Variants in CCDC85C observed in about 807,000 individuals in gnomAD.
CCDC85C encodes coiled-coil domain-containing protein 85C.
In CCDC85C, 18 loss-of-function variants were observed where a neutral mutation model predicts 38.3. The observed-to-expected ratio is 0.47, with a 90% CI of 0.33 to 0.70. The LOEUF is 0.70. Among genes scored for constraint, CCDC85C ranks in the 30% least tolerant of loss-of-function variants. The pLI is 0.03. For missense variants in CCDC85C, 566 were observed against 621.2 expected, an observed-to-expected ratio of 0.91 and a Z score of 0.94; for synonymous variants, 264 against 293.8, an observed-to-expected ratio of 0.90 and a Z score of 1.04.
In CCDC85C at chr14:99,536,001, C is replaced by G; in HGVS notation, c.867+14G>C. On this transcript the variant is annotated intron_variant, in intron 2 of 5. Coordinates refer to ENST00000380243, the MANE Select transcript of CCDC85C (RefSeq NM_001144995.2). ...TCGCGGTCCTCAAGGCAGCGCCACC[C>G]GAAGCCGGCCTACCTGTGCGAGGAG... 6.5e-7 allele frequency: 1 copy of G among 1,550,182 alleles called. No homozygotes were observed. Among genetic ancestry groups the G allele is most frequent in the Non-Finnish European group, 8.7e-7 (1 of 1,146,168 alleles).
rs181176812 is a variant in CCDC85C at position 99,522,067 on chromosome 14, C to G, written c.975+66G>C. ...GATCCTTGTGCCCCTCCGGGCAGGT[C>G]ACTGGCCCGCCTGAGCCTCAGCCCC... On this transcript the variant is annotated intron_variant, in intron 3 of 5. Transcript: ENST00000380243. 7,237 of 1,290,890 alleles carry G rather than the reference C, an allele frequency of 5.6e-3. 34 individuals carry two copies. The highest frequency in any genetic ancestry group is 0.012 in the South Asian group (897 of 77,256). The allele number at this position is 1,290,890 out of a possible 1,614,324, so 80.0% of individuals were successfully genotyped here.
chr14:99,534,016 C>T (rs1897543208), intron 2 of CCDC85C, among the ~76,000 whole-genome samples: 1 of 152,188 alleles, frequency 6.6e-6, no homozygotes. Context: ...GAAACAGGAC[C>T]ATGAGCTGCT....
rs1228915989 is a variant in CCDC85C at position 99,505,289 on chromosome 14, A to G, written c.*9957T>C. ...TGCGGGGCAGGAAGGGCAGATCCGG[A>G]GGAAGCTTTATAGAGGAACTCAGCT... On this transcript the variant is annotated 3_prime_UTR_variant, in exon 6 of 6. Transcript: ENST00000380243. The G allele has an allele frequency of 6.6e-6, 1 of 152,280 alleles. No homozygotes were observed. Among genetic ancestry groups the G allele is most frequent in the Admixed American group, 6.5e-5 (1 of 15,280 alleles). The allele number at this position is 152,280 out of a possible 1,614,324, so 9.4% of individuals were successfully genotyped here. A position where few individuals can be genotyped will look rare whatever the true frequency, so the allele number is the denominator to read the frequency against.
At position 99,578,246 on chromosome 14, in the gene CCDC85C, T is replaced by TTG. The variant is rs373278208; in HGVS notation, c.793+24919_793+24920dup. 3.1e-5 allele frequency among the ~76,000 whole-genome samples: 3 copies of TTG among 96,846 alleles called. No individual in the cohort carries two copies. In the Admixed American group the frequency reaches 3.4e-4, roughly 11 times the overall value. The allele number at this position is 96,846 out of a possible 152,430, so 63.5% of individuals were successfully genotyped here. Reference sequence around the variant, plus strand: ...CATCCTGTATCCCCCATCGGTGTGTTTGTGTGTGTGTGTGAGTGTACACCT... The same window carrying TTG: ...CATCCTGTATCCCCCATCGGTGTGTTTGTGTGTGTGTGTGTGAGTGTACACCT... On this transcript the variant is annotated intron_variant, in intron 1 of 5. Coordinates refer to ENST00000380243, the MANE Select transcript of CCDC85C (RefSeq NM_001144995.2).
chr14:99,509,511 C>T lies in CCDC85C; in HGVS notation c.*5735G>A, dbSNP rs1414978015. Reference sequence around the variant, plus strand: ...CTGCTGCACACGCAGCACGCACACACACGCAGCACGCACAGACATGCAGCA... The same window carrying T: ...CTGCTGCACACGCAGCACGCACACATACGCAGCACGCACAGACATGCAGCA... On this transcript the variant is annotated 3_prime_UTR_variant, in exon 6 of 6. Transcript: ENST00000380243. 1 of 150,234 alleles carries T rather than the reference C, an allele frequency of 6.7e-6. No individual in the cohort carries two copies. The highest frequency in any genetic ancestry group is 2.6e-5 in the African/African-American group (1 of 38,810). 9.3% of individuals were successfully genotyped at this position (150,234 alleles called of 1,614,324 possible).
chr14:99,534,604 C>T (rs148568089), intron 2 of CCDC85C: 1 of 702,068 alleles, frequency 1.4e-6, no homozygotes, highest in African/African-American at 1.7e-5. Flanking sequence ...GCATGGGGAC[C>T]TTCTCCAAAG....
At position 99,517,196 on chromosome 14, in the gene CCDC85C, A is replaced by G. The variant is rs1044565346; in HGVS notation, c.976-13T>C. The G allele has an allele frequency of 1.3e-6, 2 of 1,530,438 alleles. No individual in the cohort carries two copies. The highest frequency in any genetic ancestry group is 8.8e-7 in the Non-Finnish European group (1 of 1,134,980). The allele number at this position is 1,530,438 out of a possible 1,614,324, so 94.8% of individuals were successfully genotyped here. A position where few individuals can be genotyped will look rare whatever the true frequency, so the allele number is the denominator to read the frequency against. On this transcript the variant is annotated splice_polypyrimidine_tract_variant and intron_variant, in intron 3 of 5. Transcript: ENST00000380243. ...GGCAGGCCGGGCCCTGGGGAAGGCA[A>G]TCACACATCTCAGCTCACCCTGGCT...
At position 99,516,108 on chromosome 14, in the gene CCDC85C, G is replaced by T; in HGVS notation, c.1170+80C>A. 1 of 1,094,992 alleles carries T rather than the reference G, an allele frequency of 9.1e-7. No individual in the cohort carries two copies. The highest frequency in any genetic ancestry group is 1.4e-6 in the Non-Finnish European group (1 of 736,036). 67.8% of individuals were successfully genotyped at this position (1,094,992 alleles called of 1,614,324 possible). On this transcript the variant is annotated intron_variant, in intron 5 of 5. Coordinates refer to ENST00000380243, the MANE Select transcript of CCDC85C (RefSeq NM_001144995.2). This position sits in a 1 kb window ranked among gnomAD's most constrained non-coding sequence, Gnocchi z 5.5. ...CATTCGAGAAATGGAGTCCCACATG[G>T]GGAAGGGTATGGCCATGCTGGGTGG... is the stretch of plus-strand genomic sequence containing the variant.
Position 99,603,617 on chromosome 14 carries a change from C to T in CCDC85C, c.343G>A (p.Ala115Thr). ...GAGCGGGCCACCTCGTGCCACACGG[C>T]GCCGGCCGCGTGGCGCCCGAAGCGC... is the stretch of plus-strand genomic sequence containing the variant. The part of the protein sequence containing the change: ...WQRFGRHAAG[A>T]VWHEVARSQQ... Residue 115 changes from alanine to threonine, a missense_variant, in exon 1 of 6, where the codon GCC (alanine) becomes ACC (threonine). Ala to Thr is a moderately conservative substitution (Grantham distance 58). Transcript: ENST00000380243. The surrounding 1 kb of genome is among the most constrained non-coding windows in gnomAD (Gnocchi z 7.5). 6.8e-7 allele frequency: 1 copy of T among 1,460,210 alleles called. No individual in the cohort carries two copies. The highest frequency in any genetic ancestry group is 9.0e-7 in the Non-Finnish European group (1 of 1,108,648). The allele number at this position is 1,460,210 out of a possible 1,614,324, so 90.5% of individuals were successfully genotyped here. A position where few individuals can be genotyped will look rare whatever the true frequency, so the allele number is the denominator to read the frequency against.
intron 1 of CCDC85C, among the ~76,000 whole-genome samples, chr14:99,568,727 G>A (rs8003697): frequency 0.015 from 2,324 of 152,348 alleles, 52 homozygotes; most frequent in African/African-American, 0.053. Context: ...CCACAAATGT[G>A]AGGAGTACTT....
intron 1 of CCDC85C, among the ~76,000 whole-genome samples, chr14:99,602,583 T>G (rs569080597): frequency 6.6e-6 from 1 of 152,264 alleles, no homozygotes; most frequent in Non-Finnish European, 1.5e-5. Flanking sequence ...GTCCCAGGAC[T>G]AGAAGGGCGG....
intron 1 of CCDC85C, among the ~76,000 whole-genome samples, chr14:99,590,821 A>C (rs2055077633): frequency 6.6e-6 from 1 of 152,020 alleles, no homozygotes; most frequent in Admixed American, 6.5e-5. Context: ...GATGCCCCCC[A>C]ACCCCCAACC....
chr14:99,545,396 C>T lies in CCDC85C; in HGVS notation c.794-9308G>A, dbSNP rs892389659. On this transcript the variant is annotated intron_variant, in intron 1 of 5. Transcript: ENST00000380243. The surrounding 1 kb of genome is among the most constrained non-coding windows in gnomAD (Gnocchi z 4.7). The stretch of plus-strand genomic sequence containing the variant: ...CTACTTTGGATCTGCCTGGGAACCA[C>T]CAGTGTTCTCAAACCAAAACTCAAA... Among the ~76,000 whole-genome samples the T allele has an allele frequency of 1.4e-4, 21 of 152,166 alleles. No homozygotes were observed. Among genetic ancestry groups the T allele is most frequent in the African/African-American group, 5.1e-4 (21 of 41,420 alleles).
intron 5 of CCDC85C, 126 bp from the exon 6 acceptor site, chr14:99,515,461 G>T (rs374867146): frequency 2.4e-5 from 16 of 663,760 alleles, no homozygotes; most frequent in African/African-American, 5.4e-5. Flanking sequence ...GGAGGGACAC[G>T]GAGGCCACTG....
intron 2 of CCDC85C, chr14:99,534,734 G>A: frequency 1.4e-6 from 1 of 702,312 alleles, no homozygotes; most frequent in South Asian, 1.5e-5. Flanking sequence ...CGTCTAGGGA[G>A]CCCCACTCCA....
chr14:99,552,218 C>T (rs936277916), intron 1 of CCDC85C, among the ~76,000 whole-genome samples: 22 of 152,214 alleles, frequency 1.4e-4, no homozygotes, highest in African/African-American at 5.1e-4. Context: ...GCCCCTGCAC[C>T]ACTGGGGAGG....
intron 1 of CCDC85C, among the ~76,000 whole-genome samples, chr14:99,546,454 C>A (rs764069908): frequency 1.3e-5 from 2 of 151,988 alleles, no homozygotes; most frequent in Non-Finnish European, 2.9e-5. Context: ...ACTTGATCTG[C>A]GGTGAGAGCA....
At chr14:99,578,564 C>T (rs1201797787) in intron 1 of CCDC85C, among the ~76,000 whole-genome samples, 2 of 152,198 alleles carry the variant, frequency 1.3e-5, no homozygotes, top group East Asian at 3.8e-4. Flanking sequence ...TGGCCTGTAC[C>T]TATGTCCCCT....
At chr14:99,554,540 C>T (rs1352885767) in intron 1 of CCDC85C, among the ~76,000 whole-genome samples, 1 of 152,216 alleles carries the variant, frequency 6.6e-6, no homozygotes, top group Non-Finnish European at 1.5e-5. Context: ...CTGCATGCTG[C>T]CAGCTCCAAG....
Sources: gnomAD v4.1 joint callset for allele counts (sites outside exome capture counted in the v4.1 genomes callset) on GRCh38, gnomAD v4.1.1 for gene constraint, Gnocchi (gnomAD v3.1) non-coding constraint, MANE v1.5 for transcripts, NCBI Gene and HGNC (gene_info 2026-07-23, HGNC 2026-07-21) for gene names.